Variants in PKD2L2 observed in about 807,000 individuals in gnomAD.
The protein encoded by PKD2L2 is polycystin-2-like protein 2.
In PKD2L2, 67 loss-of-function variants were observed where a neutral mutation model predicts 83.9. That is an observed-to-expected ratio of 0.80 (90% CI 0.66 to 0.98). The LOEUF (loss-of-function observed/expected upper bound fraction) is 0.98, where lower values mean the gene tolerates loss of function less well. PKD2L2 is among the 50% of genes least tolerant of loss of function. PKD2L2 has a pLI of 0.00. For synonymous variants in PKD2L2, 223 were observed against 237.8 expected (o/e 0.94, Z 0.57); for missense variants, 632 against 717.2 (o/e 0.88, Z 1.36).
intron 5 of PKD2L2, among the ~76,000 whole-genome samples, chr5:137,901,366 T>A (rs929965129): frequency 1.4e-4 from 21 of 151,970 alleles, no homozygotes; most frequent in African/African-American, 3.9e-4. Flanking sequence ...AGAAAGGATA[T>A]CTGCCTGAAC....
chr5:137,916,319 G>A (rs1758340295), intron 8 of PKD2L2, among the ~76,000 whole-genome samples: 1 of 151,890 alleles, frequency 6.6e-6, no homozygotes, highest in South Asian at 2.1e-4. Flanking sequence ...GGGATTACAG[G>A]TGTGCACCAT....
intron 14 of PKD2L2, among the ~76,000 whole-genome samples, chr5:137,941,033 GTAGCTGGAAC>G (rs990857575): frequency 2.0e-5 from 3 of 152,070 alleles, no homozygotes; most frequent in African/African-American, 7.2e-5. Flanking sequence ...AGCCTCTAGA[GTAGCTGGAAC>G]TACAGGTGCC....
chr5:137,907,780 T>G lies in PKD2L2; in HGVS notation c.1014T>G (p.Asn338Lys), dbSNP rs773418398. 1 of 1,582,764 alleles carries G rather than the reference T, an allele frequency of 6.3e-7. No homozygotes were observed. ...FVAVSFNTYY[N>K]VQIFLLLGQL... ...CTGTTTCCTTCAACACATACTATAA[T>G]GTACAAATTTTTCTCTTACTTGGAC... The change falls in exon 7 of 15, where the codon AAT becomes AAG. Residue 338 changes from asparagine (N) to lysine (K), a missense_variant. By Grantham distance (94) the Asn-to-Lys change is moderately conservative (BLOSUM62 0). Coordinates refer to ENST00000508883, the MANE Select transcript of PKD2L2 (RefSeq NM_001300921.2).
Position 137,904,465 on chromosome 5 carries a change from G to GC in PKD2L2, c.747-1740dup, listed in dbSNP as rs556072533. On this transcript the variant is annotated intron_variant, in intron 5 of 14. Transcript: ENST00000508883. ...TAAAAAGAATGCGATCATATCCTTTGCAGGGACATGGATGGAGCTGGAGGC... is the reference window on the plus strand; with the variant it reads ...TAAAAAGAATGCGATCATATCCTTTGCCAGGGACATGGATGGAGCTGGAGGC... Among the ~76,000 whole-genome samples the GC allele has an allele frequency of 1.3e-3, 196 of 152,306 alleles. 1 individual carries two copies. Among genetic ancestry groups the GC allele is most frequent in the Non-Finnish European group, 2.4e-3 (164 of 68,026 alleles).
At position 137,894,518 on chromosome 5, in the gene PKD2L2, T is replaced by C. The variant is rs1305998110; in HGVS notation, c.433T>C (p.Ser145Pro). 6.2e-7 allele frequency: 1 copy of C among 1,613,572 alleles called. No homozygotes were observed. The highest frequency in any genetic ancestry group is 8.5e-7 in the Non-Finnish European group (1 of 1,179,474). Reference sequence around the variant, plus strand: ...CCGCAACAACACATGCAAAGTCTATTCATCTTTTCAGTCTTTGATGAGTGA... The same window carrying C: ...CCGCAACAACACATGCAAAGTCTATCCATCTTTTCAGTCTTTGATGAGTGA... ...KVRNNTCKVY[S>P]SFQSLMSECY... Residue 145 changes from serine (S) to proline (P), a missense_variant, in exon 4 of 15, where the codon TCA (serine) becomes CCA (proline). Physicochemically the swap from Ser to Pro is moderately conservative, Grantham distance 74. Coordinates refer to ENST00000508883, the MANE Select transcript of PKD2L2 (RefSeq NM_001300921.2).
chr5:137,924,953 C>A, intron 10 of PKD2L2, 87 bp from the exon 11 acceptor site: 1 of 801,806 alleles, frequency 1.2e-6, no homozygotes, highest in South Asian at 1.5e-5. Flanking sequence ...GAGGGACAAG[C>A]ATTCCATATT....
chr5:137,902,772 T>G (rs981985798), intron 5 of PKD2L2, among the ~76,000 whole-genome samples: 1 of 152,158 alleles, frequency 6.6e-6, no homozygotes, highest in Non-Finnish European at 1.5e-5. Context: ...GATACTAAGC[T>G]AACACAAAGG....
chr5:137,926,986 A>C (rs1196542241), intron 12 of PKD2L2, among the ~76,000 whole-genome samples: 1 of 152,172 alleles, frequency 6.6e-6, no homozygotes, highest in Non-Finnish European at 1.5e-5. Context: ...ATTGAGACAT[A>C]AAGTAAAACT....
chr5:137,931,602 G>A (rs1759885355), intron 12 of PKD2L2, among the ~76,000 whole-genome samples: 1 of 152,060 alleles, frequency 6.6e-6, no homozygotes, highest in African/African-American at 2.4e-5. Context: ...CACAAATGCT[G>A]GGTATTTTAT....
chr5:137,942,134 G>A, intron 14 of PKD2L2: 1 of 1,109,574 alleles, frequency 9.0e-7, no homozygotes, highest in Non-Finnish European at 1.3e-6. Context: ...AATTAAAAGT[G>A]GCTGGGGAAC....
chr5:137,932,270 C>G (rs1177763325), intron 12 of PKD2L2, among the ~76,000 whole-genome samples: 1 of 151,908 alleles, frequency 6.6e-6, no homozygotes. Flanking sequence ...ATTGCTTGAA[C>G]CCAGGAGGTG....
At chr5:137,901,998 GA>G (rs113895657) in intron 5 of PKD2L2, among the ~76,000 whole-genome samples, 177 of 141,882 alleles carry the variant, frequency 1.2e-3, no homozygotes, top group East Asian at 2.4e-3. Flanking sequence ...TGTGGATATG[GA>G]AAAAAAAAAA....
chr5:137,918,052 T>G (rs1758541680), intron 8 of PKD2L2, among the ~76,000 whole-genome samples: 2 of 152,150 alleles, frequency 1.3e-5, no homozygotes, highest in Non-Finnish European at 2.9e-5. Flanking sequence ...ACCATGTCTG[T>G]ACAAAAAATA....
At chr5:137,928,643 G>C (rs1580986657) in intron 12 of PKD2L2, among the ~76,000 whole-genome samples, 1 of 152,180 alleles carries the variant, frequency 6.6e-6, no homozygotes, top group East Asian at 1.9e-4. Flanking sequence ...TGCTACCCAG[G>C]CTGGTCTCGA....
rs201413664 is a variant in PKD2L2 at position 137,889,521 on chromosome 5, C to T, written c.30C>T (p.Gly10=). The T allele has an allele frequency of 1.2e-5, 19 of 1,552,756 alleles. No individual in the cohort carries two copies. The South Asian group carries it at 1.8e-4, about 15-fold the overall frequency. The part of the protein sequence containing the change: MAEASRWHR[G]GASKHKLHYR... ...CTGAGGCGTCACGGTGGCACCGAGG[C>T]GGTGAGGGGTCCTCTTAAGGAGTGG... Residue 10 remains glycine (G), a splice_region_variant and synonymous_variant, in exon 1 of 15, where the codon GGC becomes GGT. Coordinates refer to ENST00000508883, the MANE Select transcript of PKD2L2 (RefSeq NM_001300921.2).
Position 137,927,275 on chromosome 5 carries a change from C to T in PKD2L2, c.1671+1346C>T, listed in dbSNP as rs145387877. 2.4e-4 allele frequency among the ~76,000 whole-genome samples: 36 copies of T among 152,246 alleles called. No individual in the cohort carries two copies. The East Asian group carries it at 6.9e-3, about 29-fold the overall frequency. On this transcript the variant is annotated intron_variant, in intron 12 of 14. Coordinates refer to ENST00000508883, the MANE Select transcript of PKD2L2 (RefSeq NM_001300921.2). ...AAATTATATGCTGCCTGATAGGAGG[C>T]CATGAGAATTAGCATCCTTTCTGTG...
Position 137,892,524 on chromosome 5 carries a change from G to T in PKD2L2, c.178G>T (p.Val60Phe), listed in dbSNP as rs374120258. The T allele has an allele frequency of 1.9e-6, 3 of 1,603,428 alleles. No homozygotes were observed. The change falls in exon 3 of 15, where the codon GTT becomes TTT. Residue 60 changes from valine to phenylalanine, a missense_variant. Val to Phe is a conservative substitution (Grantham distance 50, BLOSUM62 -1). This residue lies in a region of PKD2L2 where 229 missense variants were observed against 281.5 expected (regional missense o/e 0.81). Coordinates refer to ENST00000508883, the MANE Select transcript of PKD2L2 (RefSeq NM_001300921.2). ...VNPHMYYLNK[V>F]MSSLFLDTSV... ...CCCACATATGTATTACTTAAACAAG[G>T]TTATGTCATCTCTATTTTTGGACAC...
chr5:137,891,092 C>T (rs1417302487), intron 2 of PKD2L2, among the ~76,000 whole-genome samples: 1 of 152,168 alleles, frequency 6.6e-6, no homozygotes, highest in Non-Finnish European at 1.5e-5. Flanking sequence ...TCTCAACCTG[C>T]ATTCCTCCTA....
intron 2 of PKD2L2, among the ~76,000 whole-genome samples, chr5:137,891,325 G>C (rs1755962681): frequency 2.0e-5 from 3 of 152,118 alleles, no homozygotes; most frequent in Non-Finnish European, 4.4e-5. Flanking sequence ...AATTAGCCAG[G>C]TGTGGTGGCA....
Sources: gnomAD v4.1 joint callset for allele counts (sites outside exome capture counted in the v4.1 genomes callset) on GRCh38, gnomAD v4.1.1 for gene constraint, gnomAD v4.1.1 regional missense constraint, MANE v1.5 for transcripts, NCBI Gene and HGNC (gene_info 2026-07-23, HGNC 2026-07-21) for gene names.